Variants in JPH1 observed in about 807,000 individuals in gnomAD.
JPH1 encodes the protein junctophilin-1.
In JPH1, 12 loss-of-function variants were observed where a neutral mutation model predicts 53.6. That is an observed-to-expected ratio of 0.22 (90% CI 0.14 to 0.36). JPH1 has a LOEUF of 0.36. JPH1 is among the 10% of genes least tolerant of loss of function. The pLI is 1.00. For missense variants in JPH1, 808 were observed against 905.5 expected (o/e 0.89, Z 1.38); for synonymous variants, 375 against 363.8 (o/e 1.03, Z -0.35).
chr8:74,252,548 T>A (rs1159414183), intron 3 of JPH1, among the ~76,000 whole-genome samples: 1 of 152,016 alleles, frequency 6.6e-6, no homozygotes. Context: ...ATAACAATAC[T>A]AACCTTAAAT....
At chr8:74,292,799 G>A (rs1209010544) in intron 2 of JPH1, among the ~76,000 whole-genome samples, 2 of 152,142 alleles carry the variant, frequency 1.3e-5, no homozygotes, top group Non-Finnish European at 2.9e-5. Flanking sequence ...ATGTGTAGGT[G>A]GGCAATTGTG....
At chr8:74,282,227 C>T (rs996094341) in intron 2 of JPH1, among the ~76,000 whole-genome samples, 1 of 152,192 alleles carries the variant, frequency 6.6e-6, no homozygotes, top group Admixed American at 6.5e-5. Context: ...CCTTAAATCA[C>T]TGAGATATTC....
intron 2 of JPH1, among the ~76,000 whole-genome samples, chr8:74,266,131 A>G (rs960793281): frequency 1.3e-5 from 2 of 152,136 alleles, no homozygotes; most frequent in Non-Finnish European, 2.9e-5. Context: ...TATACTAAAA[A>G]AAAAACTGAA....
chr8:74,248,481 A>G (rs1033619843), intron 3 of JPH1, among the ~76,000 whole-genome samples: 4 of 152,212 alleles, frequency 2.6e-5, no homozygotes, highest in African/African-American at 9.6e-5. Flanking sequence ...GATCCGAGTG[A>G]TTCTAACGCA....
Position 74,321,376 on chromosome 8 carries a change from G to T in JPH1, c.-89C>A. ...GGGTGTAGCTCGGGGGTGGGGGCCC[G>T]GCGGGCGAGCTCACGACAGCGCCCT... On this transcript the variant is annotated 5_prime_UTR_variant, in exon 1 of 6. Transcript: ENST00000342232. This position sits in a 1 kb window ranked among gnomAD's most constrained non-coding sequence, Gnocchi z 4.3. 7.7e-7 allele frequency: 1 copy of T among 1,305,922 alleles called. No individual in the cohort carries two copies. Among genetic ancestry groups the T allele is most frequent in the Non-Finnish European group, 1.0e-6 (1 of 1,003,922 alleles). 80.9% of individuals were successfully genotyped at this position (1,305,922 alleles called of 1,614,324 possible).
rs559907718 is a variant in JPH1, at chr8:74,246,019, G to A, written c.1259-844C>T. ...CAAAATGTCCAGGCCCTGGGAACTCGAGGAGGCTGTGGTCTGGAAAGGGGC... is the reference window on the plus strand; with the variant it reads ...CAAAATGTCCAGGCCCTGGGAACTCAAGGAGGCTGTGGTCTGGAAAGGGGC... On this transcript the variant is annotated intron_variant, in intron 3 of 5. Transcript: ENST00000342232. Among the ~76,000 whole-genome samples, 5 of 151,916 alleles carry A rather than the reference G, an allele frequency of 3.3e-5. No homozygotes were observed. The East Asian group carries it at 9.7e-4, about 29-fold the overall frequency.
chr8:74,282,696 T>C (rs1807047045), intron 2 of JPH1, among the ~76,000 whole-genome samples: 1 of 152,180 alleles, frequency 6.6e-6, no homozygotes, highest in Admixed American at 6.5e-5. Context: ...GGAGGTTAAC[T>C]GAGGCAAAAT....
At chr8:74,242,470 GGAA>G (rs1805724774) in intron 4 of JPH1, among the ~76,000 whole-genome samples, 1 of 152,186 alleles carries the variant, frequency 6.6e-6, no homozygotes, top group Admixed American at 6.5e-5. Flanking sequence ...TGTGAACCGA[GGAA>G]GTTCAGCAAC....
chr8:74,242,348 A>C (rs1005645823), intron 4 of JPH1, among the ~76,000 whole-genome samples: 1 of 152,112 alleles, frequency 6.6e-6, no homozygotes, highest in Non-Finnish European at 1.5e-5. Context: ...TAAAGTATTG[A>C]CTCATTTAAT....
intron 2 of JPH1, among the ~76,000 whole-genome samples, chr8:74,268,476 G>A (rs998091474): frequency 1.2e-4 from 18 of 152,014 alleles, no homozygotes; most frequent in African/African-American, 3.9e-4. Context: ...GAGCCAATGG[G>A]GGCCTTTGGA....
intron 2 of JPH1, among the ~76,000 whole-genome samples, chr8:74,280,561 G>T (rs1806983017): frequency 6.6e-6 from 1 of 152,150 alleles, no homozygotes; most frequent in African/African-American, 2.4e-5. Context: ...AGGGAGGCAG[G>T]AAGGGAAGGA....
Position 74,236,441 on chromosome 8 carries a change from C to T in JPH1, c.*610G>A, listed in dbSNP as rs1806999043. ...CGTGCACAAGCAAACGAAACGTTCTCTCCCAGAACATTCCAGGAGATGTTA... is the reference window on the plus strand; with the variant it reads ...CGTGCACAAGCAAACGAAACGTTCTTTCCCAGAACATTCCAGGAGATGTTA... On this transcript the variant is annotated 3_prime_UTR_variant, in exon 6 of 6. Transcript: ENST00000342232. The T allele has an allele frequency of 6.6e-6, 1 of 152,560 alleles. No individual in the cohort carries two copies. Among genetic ancestry groups the T allele is most frequent in the South Asian group, 2.1e-4 (1 of 4,826 alleles). 9.5% of individuals were successfully genotyped at this position (152,560 alleles called of 1,614,324 possible).
chr8:74,291,915 C>T (rs938650211), intron 2 of JPH1, among the ~76,000 whole-genome samples: 4 of 152,140 alleles, frequency 2.6e-5, no homozygotes, highest in Non-Finnish European at 5.9e-5. Flanking sequence ...TCTCAGCAAA[C>T]TATCGCAAGG....
chr8:74,310,531 T>C (rs577082085), intron 2 of JPH1, among the ~76,000 whole-genome samples: 4 of 152,300 alleles, frequency 2.6e-5, no homozygotes, highest in Admixed American at 2.0e-4. Context: ...TGATATCTAC[T>C]ATCTACTGTT....
At chr8:74,267,500 C>G (rs1806567883) in intron 2 of JPH1, among the ~76,000 whole-genome samples, 1 of 152,190 alleles carries the variant, frequency 6.6e-6, no homozygotes, top group Non-Finnish European at 1.5e-5. Flanking sequence ...CTGGCTGATT[C>G]ATGTGCAGTC....
At chr8:74,293,427 G>A (rs185435466) in intron 2 of JPH1, among the ~76,000 whole-genome samples, 4 of 152,226 alleles carry the variant, frequency 2.6e-5, no homozygotes, top group Non-Finnish European at 5.9e-5. Flanking sequence ...ACCCTGTGAG[G>A]AGGTGCCACT....
intron 1 of JPH1, among the ~76,000 whole-genome samples, chr8:74,319,227 T>A (rs148862982): frequency 6.6e-6 from 1 of 152,178 alleles, no homozygotes; most frequent in Non-Finnish European, 1.5e-5. Context: ...ATGAATAGTA[T>A]CTTTAAAAGG....
At chr8:74,310,304 A>G (rs976671499) in intron 2 of JPH1, among the ~76,000 whole-genome samples, 1 of 149,928 alleles carries the variant, frequency 6.7e-6, no homozygotes, top group Non-Finnish European at 1.5e-5. Flanking sequence ...AAAAAAAAAA[A>G]GGTTGAGACC....
At chr8:74,259,309 T>A in intron 3 of JPH1, 76 bp downstream of exon 3, 1 of 1,111,536 alleles carries the variant, frequency 9.0e-7, no homozygotes, top group Non-Finnish European at 1.3e-6. Flanking sequence ...CACATCTTTA[T>A]GTTGAAAGGA....
Sources: gnomAD v4.1 joint callset for allele counts (sites outside exome capture counted in the v4.1 genomes callset) on GRCh38, gnomAD v4.1.1 for gene constraint, Gnocchi (gnomAD v3.1) non-coding constraint, MANE v1.5 for transcripts, NCBI Gene and HGNC (gene_info 2026-07-23, HGNC 2026-07-21) for gene names.